Variants in RXFP1 observed in about 807,000 individuals in gnomAD.
RXFP1 encodes relaxin receptor 1.
Under a neutral mutation model 89.8 loss-of-function variants are expected in RXFP1, and 73 were observed. That is an observed-to-expected ratio of 0.81 (90% CI 0.67 to 0.99). RXFP1 has a LOEUF of 0.99. Among genes scored for constraint, RXFP1 ranks in the 50% least tolerant of loss-of-function variants. The probability of loss-of-function intolerance (pLI) is 0.00; values close to 1 mark genes in which losing one functional copy is unlikely to be tolerated. For missense variants in RXFP1, 793 were observed against 895.5 expected (o/e 0.89, Z 1.46); for synonymous variants, 277 against 305.5 (o/e 0.91, Z 0.97).
chr4:158,578,223 T>G (rs550337791), intron 2 of RXFP1, among the ~76,000 whole-genome samples: 2,430 of 152,320 alleles, frequency 0.016, 33 homozygotes, highest in Non-Finnish European at 0.026. Context: ...CCCATATAAT[T>G]CCATTTGTTT....
chr4:158,535,978 A>G (rs748085714), intron 1 of RXFP1, among the ~76,000 whole-genome samples: 36 of 152,250 alleles, frequency 2.4e-4, no homozygotes, highest in Non-Finnish European at 5.9e-5. Flanking sequence ...AAACATTAAC[A>G]AAGTCTCATA....
intron 2 of RXFP1, among the ~76,000 whole-genome samples, chr4:158,580,931 G>T (rs539989077): frequency 2.7e-4 from 41 of 152,200 alleles, no homozygotes; most frequent in African/African-American, 9.4e-4. Flanking sequence ...CTGAGTAGCT[G>T]GTATTACAGG....
At chr4:158,572,427 G>C (rs193218731) in intron 1 of RXFP1, among the ~76,000 whole-genome samples, 51 of 152,302 alleles carry the variant, frequency 3.3e-4, no homozygotes, top group African/African-American at 1.2e-3. Context: ...TGAAGTATGG[G>C]CAGACGTTTC....
At chr4:158,601,302 G>T (rs1210482366) in intron 4 of RXFP1, among the ~76,000 whole-genome samples, 1 of 152,054 alleles carries the variant, frequency 6.6e-6, no homozygotes, top group Non-Finnish European at 1.5e-5. Flanking sequence ...TGACTCCAAG[G>T]TTTCCCTTCT....
intron 2 of RXFP1, among the ~76,000 whole-genome samples, chr4:158,588,972 C>T (rs1422840754): frequency 1.3e-5 from 2 of 152,154 alleles, no homozygotes; most frequent in African/African-American, 4.8e-5. Flanking sequence ...TCTCACGCTG[C>T]TATGAAGAAA....
In RXFP1 at chr4:158,626,952, A is replaced by G. The variant is rs1766972312; in HGVS notation, c.827+61A>G. The stretch of plus-strand genomic sequence containing the variant: ...CTTTTCTTACAAATAAAATTTAAAA[A>G]CACCCATTTTATGGAAAAAAAATCC... On this transcript the variant is annotated intron_variant, in intron 10 of 17. Coordinates refer to ENST00000307765, the MANE Select transcript of RXFP1 (RefSeq NM_021634.4). The G allele has an allele frequency of 3.4e-6, 3 of 880,846 alleles. No homozygotes were observed. In the Admixed American group the frequency reaches 9.5e-5, roughly 28 times the overall value. 54.6% of individuals were successfully genotyped at this position (880,846 alleles called of 1,614,324 possible).
intron 12 of RXFP1, among the ~76,000 whole-genome samples, chr4:158,634,207 T>A (rs1768679305): frequency 6.6e-6 from 1 of 152,194 alleles, no homozygotes. Flanking sequence ...TTTTTGATAA[T>A]AGGCATGCTA....
At chr4:158,563,991 T>C (rs989546452) in intron 1 of RXFP1, among the ~76,000 whole-genome samples, 15 of 149,874 alleles carry the variant, frequency 1.0e-4, no homozygotes, top group African/African-American at 3.4e-4. Context: ...TAAAACATAA[T>C]TATATACTGT....
chr4:158,538,528 T>C (rs1218698163), intron 1 of RXFP1, among the ~76,000 whole-genome samples: 1 of 152,064 alleles, frequency 6.6e-6, no homozygotes, highest in African/African-American at 2.4e-5. Flanking sequence ...GGAGAAAGAA[T>C]AGGGGCCAGG....
chr4:158,642,251 GGA>G (rs1287145847), intron 14 of RXFP1, among the ~76,000 whole-genome samples: 1 of 151,936 alleles, frequency 6.6e-6, no homozygotes, highest in East Asian at 1.9e-4. Context: ...TCAGGATAAA[GGA>G]TAATTAGCAT....
At chr4:158,552,056 G>C (rs533739322) in intron 1 of RXFP1, among the ~76,000 whole-genome samples, 1 of 152,338 alleles carries the variant, frequency 6.6e-6, no homozygotes, top group South Asian at 2.1e-4. Flanking sequence ...TGTCACAAAG[G>C]AAGTTATTAA....
Position 158,645,080 on chromosome 4 carries a change from G to C in RXFP1, c.1287G>C (p.Met429Ile), listed in dbSNP as rs1419550578. 2 of 1,614,138 alleles carry C rather than the reference G, an allele frequency of 1.2e-6. No individual in the cohort carries two copies. The highest frequency in any genetic ancestry group is 1.7e-6 in the Non-Finnish European group (2 of 1,179,994). The change falls in exon 15 of 18, where the codon ATG becomes ATC. Residue 429 changes from methionine to isoleucine, a missense_variant. By Grantham distance (10) the Met-to-Ile change is conservative. Transcript: ENST00000307765. ...TCFGNIFVIC[M>I]RPYIRSENKL... ...TTGGAAACATTTTTGTCATTTGCATGCGACCTTATATCAGGTCTGAGAACA... is the reference window on the plus strand; with the variant it reads ...TTGGAAACATTTTTGTCATTTGCATCCGACCTTATATCAGGTCTGAGAACA...
intron 17 of RXFP1, among the ~76,000 whole-genome samples, chr4:158,650,876 A>G (rs1218835464): frequency 6.6e-6 from 1 of 152,206 alleles, no homozygotes; most frequent in African/African-American, 2.4e-5. Flanking sequence ...AAGAAGGCCA[A>G]GTGGTGAAGA....
intron 8 of RXFP1, 131 bp downstream of exon 8, chr4:158,612,493 T>C: frequency 1.6e-6 from 1 of 629,388 alleles, no homozygotes; most frequent in Non-Finnish European, 2.7e-6. Context: ...AAAAACCTTT[T>C]CTTAATCATA....
At chr4:158,558,524 T>C (rs1490306637) in intron 1 of RXFP1, among the ~76,000 whole-genome samples, 9 of 152,238 alleles carry the variant, frequency 5.9e-5, no homozygotes, top group Non-Finnish European at 1.3e-4. Context: ...TTCCTCATTC[T>C]TTCCTTAATA....
intron 11 of RXFP1, 91 bp downstream of exon 11, chr4:158,628,800 T>A (rs1462828152): frequency 1.7e-6 from 1 of 577,390 alleles, no homozygotes; most frequent in Non-Finnish European, 2.9e-6. Flanking sequence ...TTAAGAAATA[T>A]TACTTATCTC....
At chr4:158,603,169 C>T (rs760449181) in intron 4 of RXFP1, among the ~76,000 whole-genome samples, 1 of 152,130 alleles carries the variant, frequency 6.6e-6, no homozygotes, top group Non-Finnish European at 1.5e-5. Context: ...TCTTGAACTC[C>T]TGGGCTCAAG....
intron 16 of RXFP1, 78 bp downstream of exon 16, chr4:158,647,279 TG>T (rs1771756407): frequency 1.7e-6 from 2 of 1,161,872 alleles, no homozygotes; most frequent in Admixed American, 5.4e-5. Context: ...AGAATGAGGG[TG>T]AATTCTATCA....
rs542272716 is a variant in RXFP1 at position 158,621,054 on chromosome 4, C to CA, written c.755+3849_755+3850insA. On this transcript the variant is annotated intron_variant, in intron 9 of 17. Transcript: ENST00000307765. ...TCGGGAGGCTGAGGCAGGAGAATCA[C>CA]TTGAATCCTGGAGGTGGAAGTTGCA... Among the ~76,000 whole-genome samples the CA allele has an allele frequency of 2.3e-3, 351 of 152,214 alleles. 2 individuals carry two copies. Among genetic ancestry groups the CA allele is most frequent in the African/African-American group, 8.3e-3 (344 of 41,546 alleles).
Sources: allele counts gnomAD v4.1 joint callset (sites outside exome capture counted in the v4.1 genomes callset), GRCh38; gene constraint gnomAD v4.1.1; transcripts MANE v1.5; gene names NCBI Gene and HGNC (gene_info 2026-07-23, HGNC 2026-07-21).